The following TRAFD1 variants were observed in gnomAD, a reference collection of about 807,000 sequenced individuals.
TRAFD1 encodes the protein TRAF-type zinc finger domain-containing protein 1.
A neutral mutation model predicts 65.3 loss-of-function variants in TRAFD1; 38 were observed. The ratio of observed to expected loss-of-function variants is 0.58; its 90% confidence interval spans 0.45 to 0.76. The LOEUF (loss-of-function observed/expected upper bound fraction) is 0.76. TRAFD1 is among the 30% of genes least tolerant of loss of function. The pLI, the probability that TRAFD1 is intolerant of heterozygous loss-of-function variation, is 0.00. For missense variants in TRAFD1, 631 were observed against 712.6 expected (o/e 0.89, Z 1.30); for synonymous variants, 223 against 257.2 (o/e 0.87, Z 1.27).
intron 1 of TRAFD1, among the ~76,000 whole-genome samples, chr12:112,128,224 T>G (rs1404650000): frequency 6.6e-6 from 1 of 151,820 alleles, no homozygotes; most frequent in Non-Finnish European, 1.5e-5. Flanking sequence ...CAGGCTGGTC[T>G]TGAACTCCTG....
intron 4 of TRAFD1, among the ~76,000 whole-genome samples, chr12:112,139,085 C>A (rs1025165868): frequency 6.6e-6 from 1 of 152,126 alleles, no homozygotes. Flanking sequence ...CGCCTGTAAT[C>A]CCAGCACTTT....
At chr12:112,149,947 T>G in intron 9 of TRAFD1, 76 bp downstream of exon 9, 1 of 1,575,440 alleles carries the variant, frequency 6.3e-7, no homozygotes, top group Non-Finnish European at 8.6e-7. Context: ...TCCCATCCAC[T>G]GCTCTAATGT....
intron 4 of TRAFD1, among the ~76,000 whole-genome samples, chr12:112,138,857 CAA>C (rs58777732): frequency 6.1e-4 from 51 of 83,238 alleles, no homozygotes; most frequent in South Asian, 5.3e-3. Flanking sequence ...AACTCCGTCT[CAA>C]AAAAAAAAAA....
chr12:112,132,647 G>A (rs1342274295), intron 2 of TRAFD1, among the ~76,000 whole-genome samples: 1 of 152,078 alleles, frequency 6.6e-6, no homozygotes, highest in Non-Finnish European at 1.5e-5. Flanking sequence ...GCTGCCTTGG[G>A]GTCCCTAGCT....
At chr12:112,141,360 C>G in intron 5 of TRAFD1, 136 bp downstream of exon 5, 1 of 1,006,474 alleles carries the variant, frequency 9.9e-7, no homozygotes, top group Non-Finnish European at 1.4e-6. Context: ...GAATACCTCT[C>G]TTTCCTATAA....
At chr12:112,145,056 C>T (rs886395815) in intron 6 of TRAFD1, among the ~76,000 whole-genome samples, 2 of 152,164 alleles carry the variant, frequency 1.3e-5, no homozygotes, top group Admixed American at 6.6e-5. Flanking sequence ...ATTGTTCACC[C>T]TCCCATTTGT....
chr12:112,133,598 T>C (rs1048113162), intron 2 of TRAFD1, among the ~76,000 whole-genome samples: 6 of 152,172 alleles, frequency 3.9e-5, no homozygotes, highest in African/African-American at 1.4e-4. Flanking sequence ...TCTGACTTCA[T>C]GTTGTGATCA....
chr12:112,133,730 G>T (rs867083623), intron 2 of TRAFD1, among the ~76,000 whole-genome samples: 5 of 147,052 alleles, frequency 3.4e-5, no homozygotes, highest in Admixed American at 6.9e-5. Flanking sequence ...TTTTTGATAC[G>T]GAATCTTGCT....
intron 1 of TRAFD1, among the ~76,000 whole-genome samples, chr12:112,127,503 C>A (rs60545071): frequency 0.21 from 32,245 of 151,840 alleles, 5,532 homozygotes; most frequent in East Asian, 0.85. Context: ...TCTGTCACCC[C>A]GGCTGGAGTG....
chr12:112,139,299 A>G (rs1284978138), intron 4 of TRAFD1, among the ~76,000 whole-genome samples: 3 of 152,092 alleles, frequency 2.0e-5, no homozygotes, highest in African/African-American at 4.8e-5. Context: ...GCGGTAAGCC[A>G]TGATCGTACC....
chr12:112,151,014 C>G (rs1566052072), intron 9 of TRAFD1, among the ~76,000 whole-genome samples: 1 of 151,948 alleles, frequency 6.6e-6, no homozygotes, highest in Non-Finnish European at 1.5e-5. Flanking sequence ...CTGAGGTGGG[C>G]GGATCACAAG....
At chr12:112,133,872 T>C (rs1306091461) in intron 2 of TRAFD1, among the ~76,000 whole-genome samples, 1 of 151,148 alleles carries the variant, frequency 6.6e-6, no homozygotes, top group African/African-American at 2.4e-5. Flanking sequence ...ACCTGGTTAA[T>C]TTTTTATATT....
Position 112,151,966 on chromosome 12 carries a change from G to A in TRAFD1, c.1445G>A (p.Cys482Tyr). Residue 482 changes from cysteine to tyrosine, a missense_variant, in exon 10 of 12, where the codon TGT (cysteine) becomes TAT (tyrosine). Coordinates refer to ENST00000412615, the MANE Select transcript of TRAFD1 (RefSeq NM_006700.3). ...PRPGCQPSSP[C>Y]VPKLSNSDSQ... ...CCTGGGTGCCAGCCCAGCTCTCCTT[G>A]TGTGCCGAAGCTCAGCAACTCAGAC... is the stretch of plus-strand genomic sequence containing the variant. 2 of 1,614,244 alleles carry A rather than the reference G, an allele frequency of 1.2e-6. No homozygotes were observed. Among genetic ancestry groups the A allele is most frequent in the Non-Finnish European group, 1.7e-6 (2 of 1,180,050 alleles).
rs1236845359 is a variant in TRAFD1, at chr12:112,151,927, C to T, written c.1406C>T (p.Thr469Ile). ...ACCTATAACCAGCTATCGAGATCAACATCAGGCCCCAGACCTGGGTGCCAG... is the reference window on the plus strand; with the variant it reads ...ACCTATAACCAGCTATCGAGATCAATATCAGGCCCCAGACCTGGGTGCCAG... ...TATYNQLSRSTSGPRPGCQPS... is the reference protein window; with the variant it reads ...TATYNQLSRSISGPRPGCQPS... Residue 469 changes from threonine to isoleucine, a missense_variant, in exon 10 of 12, where the codon ACA becomes ATA. Coordinates refer to ENST00000412615, the MANE Select transcript of TRAFD1 (RefSeq NM_006700.3). 5 of 1,614,124 alleles carry T rather than the reference C, an allele frequency of 3.1e-6. No homozygotes were observed. The highest frequency in any genetic ancestry group is 4.2e-6 in the Non-Finnish European group (5 of 1,180,046).
intron 7 of TRAFD1, among the ~76,000 whole-genome samples, chr12:112,147,695 G>A (rs1387846675): frequency 2.1e-5 from 3 of 145,614 alleles, no homozygotes; most frequent in Admixed American, 6.9e-5. Flanking sequence ...TTTTTGAGAC[G>A]GAGTCTCGCT....
At chr12:112,139,028 T>A (rs535526948) in intron 4 of TRAFD1, among the ~76,000 whole-genome samples, 133 of 151,462 alleles carry the variant, frequency 8.8e-4, no homozygotes, top group Non-Finnish European at 1.3e-3. Flanking sequence ...TTTACATATA[T>A]CCTTTTTGGG....
At chr12:112,126,775 C>T (rs2079540132) in intron 1 of TRAFD1, among the ~76,000 whole-genome samples, 1 of 152,046 alleles carries the variant, frequency 6.6e-6, no homozygotes, top group African/African-American at 2.4e-5. Flanking sequence ...TTGCCTCAGC[C>T]TCCTGAGTAG....
intron 8 of TRAFD1, 26 bp downstream of exon 8, chr12:112,148,330 A>G (rs369661022): frequency 7.0e-5 from 112 of 1,603,444 alleles, no homozygotes; most frequent in Non-Finnish European, 9.1e-5. Context: ...GTCCCTGTCC[A>G]TGTGGCTCTG....
rs754817701 is a variant in TRAFD1 at position 112,141,155 on chromosome 12, G to A, written c.574G>A (p.Asp192Asn). The change falls in exon 5 of 12, where the codon GAT becomes AAT. Residue 192 changes from aspartate (D) to asparagine (N), a missense_variant. Transcript: ENST00000412615. ...AAGGCCCCTGAGAGCCTTTGAATCA[G>A]ATGTTTTCCACAATAGAACTACCAA... ...PRRPLRAFES[D>N]VFHNRTTNQR... 1.9e-6 allele frequency: 3 copies of A among 1,614,180 alleles called. No homozygotes were observed. Among genetic ancestry groups the A allele is most frequent in the Non-Finnish European group, 2.5e-6 (3 of 1,180,032 alleles).
Sources: gnomAD v4.1 joint callset for allele counts (sites outside exome capture counted in the v4.1 genomes callset) on GRCh38, gnomAD v4.1.1 for gene constraint, MANE v1.5 for transcripts, NCBI Gene and HGNC (gene_info 2026-07-23, HGNC 2026-07-21) for gene names.